Variants in NLRC5 observed in about 807,000 individuals in gnomAD.
The protein encoded by NLRC5 is NLR family CARD domain containing 5.
Under a neutral mutation model 206.9 loss-of-function variants are expected in NLRC5, and 114 were observed. That is an observed-to-expected ratio of 0.55 (90% CI 0.47 to 0.64). NLRC5 has a LOEUF of 0.64. Ranked by LOEUF, NLRC5 falls within the 30% of genes least tolerant of loss-of-function variation. The probability of loss-of-function intolerance (pLI) is 0.00; values close to 1 mark genes in which losing one functional copy is unlikely to be tolerated. For missense variants in NLRC5, 2,008 were observed against 2,305.5 expected (o/e 0.87, Z 2.64); for synonymous variants, 952 against 962.8 (o/e 0.99, Z 0.21).
intron 27 of NLRC5, among the ~76,000 whole-genome samples, chr16:57,057,385 T>C (rs2065814188): frequency 6.6e-6 from 1 of 152,172 alleles, no homozygotes; most frequent in Non-Finnish European, 1.5e-5. Context: ...GATCGTGCCA[T>C]TGCACTCCAG....
At position 57,046,600 on chromosome 16, in the gene NLRC5, G is replaced by C. The variant is rs1184668527; in HGVS notation, c.3297G>C (p.Lys1099Asn). 7.4e-6 allele frequency: 12 copies of C among 1,614,082 alleles called. No individual in the cohort carries two copies. The highest frequency in any genetic ancestry group is 2.2e-5 in the East Asian group (1 of 44,882). ...GSLPDFPAAA[K>N]FLGFRQRCIP... is the part of the protein sequence containing the mutation. ...TGCCAGACTTCCCAGCTGCAGCCAAGTTCTTAGGGTTCCGTCAGCGCTGCA... is the reference window on the plus strand; with the variant it reads ...TGCCAGACTTCCCAGCTGCAGCCAACTTCTTAGGGTTCCGTCAGCGCTGCA... Residue 1099 changes from lysine (K) to asparagine (N), a missense_variant, in exon 22 of 49, where the codon AAG becomes AAC. Physicochemically the swap from Lys to Asn is moderately conservative, Grantham distance 94. Transcript: ENST00000688547.
At position 57,026,005 on chromosome 16, in the gene NLRC5, C is replaced by T. The variant is rs1200226641; in HGVS notation, c.1062C>T (p.Cys354=). The stretch of plus-strand genomic sequence containing the variant: ...CCCGTCCAGGGAAGCTGCCTGCCTG[C>T]CTGCCTGCAGAGGCAGCCATGGTCC... ...ATSRPGKLPA[C]LPAEAAMVHM... Residue 354 remains cysteine (C), a synonymous_variant, in exon 6 of 49, where the codon TGC becomes TGT. Coordinates refer to ENST00000688547, the MANE Select transcript of NLRC5 (RefSeq NM_001384950.1). 2.5e-6 allele frequency: 4 copies of T among 1,614,052 alleles called. No homozygotes were observed. Among genetic ancestry groups the T allele is most frequent in the Non-Finnish European group, 1.7e-6 (2 of 1,180,038 alleles).
intron 5 of NLRC5, among the ~76,000 whole-genome samples, chr16:57,024,403 C>G (rs986073962): frequency 6.6e-6 from 1 of 152,194 alleles, no homozygotes; most frequent in Admixed American, 6.5e-5. Flanking sequence ...GCCTTCTCTG[C>G]CCCCACTGCT....
At chr16:57,029,581 C>T (rs1246940670) in intron 8 of NLRC5, among the ~76,000 whole-genome samples, 192 bp from the exon 9 acceptor site, 3 of 152,154 alleles carry the variant, frequency 2.0e-5, no homozygotes, top group Non-Finnish European at 4.4e-5. Context: ...CAGAATAGAC[C>T]CAGAATTGAG....
At chr16:57,013,205 G>A (rs776470303) in intron 1 of NLRC5, 10 of 450,134 alleles carry the variant, frequency 2.2e-5, no homozygotes, top group Non-Finnish European at 3.8e-5. Context: ...TTCATTAAAG[G>A]TTGCGAACAG....
At position 57,082,548 on chromosome 16, in the gene NLRC5, G is replaced by C; in HGVS notation, c.*20G>C. 6.4e-7 allele frequency: 1 copy of C among 1,558,800 alleles called. No homozygotes were observed. The highest frequency in any genetic ancestry group is 8.8e-7 in the Non-Finnish European group (1 of 1,133,500). On this transcript the variant is annotated 3_prime_UTR_variant, in exon 49 of 49. Transcript: ENST00000688547. Reference sequence around the variant, plus strand: ...ACTTGATGGCCCCCTCAAGACCTTTGGAATCCAGCCAAGTGATGCACCCAA... The same window carrying C: ...ACTTGATGGCCCCCTCAAGACCTTTCGAATCCAGCCAAGTGATGCACCCAA...
chr16:57,056,393 C>T (rs2065663918), intron 27 of NLRC5, among the ~76,000 whole-genome samples: 1 of 151,890 alleles, frequency 6.6e-6, no homozygotes, highest in African/African-American at 2.4e-5. Flanking sequence ...TGGGCTCAAG[C>T]GATCCTCCCA....
chr16:57,041,504 C>T lies in NLRC5; in HGVS notation c.2959C>T (p.Gln987Ter). ...RRMRLTHCGL[Q>*]EKHLEQLCKA... ...GGGCAGGCTGACACATTGTGGCCTC[C>T]AAGAAAAGCACCTAGAGCAGCTCTG... is the stretch of plus-strand genomic sequence containing the variant. Residue 987 changes from glutamine to a stop codon, truncating the protein, a stop_gained, in exon 18 of 49, where the codon CAA becomes TAA. Coordinates refer to ENST00000688547, the MANE Select transcript of NLRC5 (RefSeq NM_001384950.1). LOFTEE classifies it high-confidence loss of function. 6.2e-7 allele frequency: 1 copy of T among 1,614,080 alleles called. No individual in the cohort carries two copies. Among genetic ancestry groups the T allele is most frequent in the Non-Finnish European group, 8.5e-7 (1 of 1,179,988 alleles).
rs1193226746 is a variant in NLRC5 at position 57,061,367 on chromosome 16, G to A, written c.3987-81G>A. ...CAGAGGTGGGATGCTCCCCCAATAG[G>A]CCCTCAGGGAGGCTGAGATGAAGCT... On this transcript the variant is annotated intron_variant, in intron 30 of 48. Transcript: ENST00000688547. 7.2e-6 allele frequency: 10 copies of A among 1,379,342 alleles called. No homozygotes were observed. The East Asian group carries it at 1.4e-4, about 20-fold the overall frequency. The allele number at this position is 1,379,342 out of a possible 1,614,324, so 85.4% of individuals were successfully genotyped here. A position where few individuals can be genotyped will look rare whatever the true frequency, so the allele number is the denominator to read the frequency against.
chr16:57,052,717 A>T (rs1302604736), intron 24 of NLRC5: 1 of 152,030 alleles, frequency 6.6e-6, no homozygotes, highest in Non-Finnish European at 1.5e-5. Context: ...GGGAGGGAGG[A>T]GACGTGACAA....
At position 57,071,626 on chromosome 16, in the gene NLRC5, G is replaced by A. The variant is rs559043517; in HGVS notation, c.4667+1008G>A. Among the ~76,000 whole-genome samples, 3 of 137,448 alleles carry A rather than the reference G, an allele frequency of 2.2e-5. No individual in the cohort carries two copies. The South Asian group carries it at 7.5e-4, about 34-fold the overall frequency. 90.2% of individuals were successfully genotyped at this position (137,448 alleles called of 152,430 possible). On this transcript the variant is annotated intron_variant, in intron 38 of 48. Transcript: ENST00000688547. ...GTGTTGGTGGTTAATGGGGAAGGGGGTGGGTGAGTGGTGATGGTGGTTAAT... is the reference window on the plus strand; with the variant it reads ...GTGTTGGTGGTTAATGGGGAAGGGGATGGGTGAGTGGTGATGGTGGTTAAT...
At chr16:56,991,676 T>C (rs1420939560) in intron 1 of NLRC5, among the ~76,000 whole-genome samples, 10 of 110,668 alleles carry the variant, frequency 9.0e-5, no homozygotes, top group Admixed American at 5.9e-4. Flanking sequence ...TTGCCCGGAC[T>C]CCTTTTTTTT....
chr16:57,033,292 T>C (rs1335462576), intron 11 of NLRC5, among the ~76,000 whole-genome samples: 1 of 152,202 alleles, frequency 6.6e-6, no homozygotes, highest in Non-Finnish European at 1.5e-5. Flanking sequence ...ATCCTTCAGG[T>C]ACCTATGTGC....
chr16:57,002,534 A>G (rs2058381464), intron 1 of NLRC5, among the ~76,000 whole-genome samples: 1 of 152,146 alleles, frequency 6.6e-6, no homozygotes, highest in South Asian at 2.1e-4. Flanking sequence ...TGTCATAAAC[A>G]TAGTAGTGCA....
chr16:56,991,703 A>C (rs2056897001), intron 1 of NLRC5, among the ~76,000 whole-genome samples: 1 of 114,508 alleles, frequency 8.7e-6, no homozygotes, highest in Non-Finnish European at 1.7e-5. Flanking sequence ...TTTTTTTTTA[A>C]TAGACATGAG....
At chr16:57,041,961 C>T (rs1469314793) in intron 18 of NLRC5, 21 bp from the exon 19 acceptor site, 1 of 1,541,232 alleles carries the variant, frequency 6.5e-7, no homozygotes, top group South Asian at 1.2e-5. Context: ...ATGTTCTCCC[C>T]TCCCTTCTCC....
At chr16:57,071,200 G>A (rs1366800577) in intron 38 of NLRC5, among the ~76,000 whole-genome samples, 13 of 149,548 alleles carry the variant, frequency 8.7e-5, no homozygotes, top group South Asian at 2.1e-4. Flanking sequence ...AGTGAGTGGC[G>A]TTGGTGGTTA....
intron 32 of NLRC5, among the ~76,000 whole-genome samples, chr16:57,063,513 A>G (rs552109675): frequency 2.0e-5 from 3 of 152,138 alleles, no homozygotes; most frequent in Non-Finnish European, 4.4e-5. Flanking sequence ...TGTCCATTCA[A>G]GTGCCCAATT....
chr16:56,993,460 G>A (rs1013394993), intron 1 of NLRC5, among the ~76,000 whole-genome samples: 8 of 152,108 alleles, frequency 5.3e-5, no homozygotes, highest in South Asian at 2.1e-4. Context: ...TTTTTCATAC[G>A]TGGGAGTGAA....
Sources: allele counts gnomAD v4.1 joint callset (sites outside exome capture counted in the v4.1 genomes callset), GRCh38; gene constraint gnomAD v4.1.1; transcripts MANE v1.5; gene names NCBI Gene and HGNC (gene_info 2026-07-23, HGNC 2026-07-21).